Variants in TDP1 observed in about 807,000 individuals in gnomAD.
The protein encoded by TDP1 is tyrosyl-DNA phosphodiesterase 1.
A neutral mutation model predicts 81.5 loss-of-function variants in TDP1; 64 were observed. The ratio of observed to expected loss-of-function variants is 0.79; its 90% CI spans 0.64 to 0.97. The LOEUF (loss-of-function observed/expected upper bound fraction) is 0.97, where lower values mean the gene tolerates loss of function less well. TDP1 is among the 50% of genes least tolerant of loss of function. The pLI is 0.00. For missense variants in TDP1, 723 were observed against 743.8 expected (o/e 0.97, Z 0.33); for synonymous variants, 256 against 264.3 (o/e 0.97, Z 0.30).
intron 3 of TDP1, 73 bp downstream of exon 3, chr14:89,963,746 C>T: frequency 1.3e-6 from 2 of 1,527,460 alleles, no homozygotes; most frequent in South Asian, 1.1e-5. Flanking sequence ...ACAAGGAGGG[C>T]AGCCTAGAAT....
At chr14:90,004,332 G>C (rs991188371) in intron 14 of TDP1, among the ~76,000 whole-genome samples, 1 of 152,158 alleles carries the variant, frequency 6.6e-6, no homozygotes, top group Non-Finnish European at 1.5e-5. Flanking sequence ...AGATGAGGAG[G>C]TGCTACCTGG....
At chr14:90,020,726 C>A (rs1165219859) in intron 15 of TDP1, among the ~76,000 whole-genome samples, 1 of 142,374 alleles carries the variant, frequency 7.0e-6, no homozygotes, top group Non-Finnish European at 1.5e-5. Context: ...GTGGACAACA[C>A]CAACTGGACC....
In TDP1 at chr14:89,994,305, C is replaced by T. The variant is rs138406683; in HGVS notation, c.1541+822C>T. On this transcript the variant is annotated intron_variant, in intron 14 of 16. Transcript: ENST00000335725. ...AGAAAGATTTATTTTAAGGAATTGGCTCATGCAATTGTAGGGGCTGGCAAG... is the reference window on the plus strand; with the variant it reads ...AGAAAGATTTATTTTAAGGAATTGGTTCATGCAATTGTAGGGGCTGGCAAG... 6.4e-3 allele frequency among the ~76,000 whole-genome samples: 968 copies of T among 152,276 alleles called. 36 individuals are homozygous for T. Among genetic ancestry groups the T allele is most frequent in the Admixed American group, 0.057 (871 of 15,290 alleles).
intron 2 of TDP1, among the ~76,000 whole-genome samples, chr14:89,960,409 A>T (rs896260861): frequency 1.3e-5 from 2 of 152,236 alleles, no homozygotes; most frequent in East Asian, 3.8e-4. Context: ...TTTAACCATG[A>T]CAATACAGTT....
intron 15 of TDP1, among the ~76,000 whole-genome samples, chr14:90,029,037 A>G (rs915823118): frequency 6.6e-6 from 1 of 152,124 alleles, no homozygotes; most frequent in Non-Finnish European, 1.5e-5. Context: ...CAGGGTTTCT[A>G]GAATTTGGCT....
chr14:90,033,237 C>A, intron 16 of TDP1, 23 bp downstream of exon 16: 1 of 1,354,866 alleles, frequency 7.4e-7, no homozygotes, highest in Non-Finnish European at 1.1e-6. Context: ...TAAAGGAAAA[C>A]CACGGGTGGA....
At chr14:89,976,554 T>TTTTTTTTTTTG (rs1566862561) in intron 7 of TDP1, among the ~76,000 whole-genome samples, 2 of 141,746 alleles carry the variant, frequency 1.4e-5, no homozygotes, top group African/African-American at 5.4e-5. Flanking sequence ...TTTTTTTTTT[T>TTTTTTTTTTTG]TAGACAGAGT....
chr14:89,961,717 C>T (rs1892346650), intron 2 of TDP1, among the ~76,000 whole-genome samples: 1 of 152,074 alleles, frequency 6.6e-6, no homozygotes, highest in African/African-American at 2.4e-5. Context: ...TTTTAGTTCT[C>T]ATCTAGAGAC....
intron 14 of TDP1, among the ~76,000 whole-genome samples, chr14:90,016,060 A>C (rs1326052043): frequency 3.6e-5 from 5 of 138,212 alleles, no homozygotes; most frequent in African/African-American, 5.7e-5. Context: ...TTTTTTTTTG[A>C]GATGGAGTTG....
intron 15 of TDP1, among the ~76,000 whole-genome samples, chr14:90,032,489 A>T (rs1887394763): frequency 6.6e-6 from 1 of 152,124 alleles, no homozygotes; most frequent in Non-Finnish European, 1.5e-5. Flanking sequence ...GCACTGCGGC[A>T]GGCCTTGTGT....
intron 14 of TDP1, among the ~76,000 whole-genome samples, chr14:90,014,066 A>G (rs1025055707): frequency 1.7e-4 from 26 of 152,342 alleles, no homozygotes; most frequent in Non-Finnish European, 2.9e-5. Flanking sequence ...AGAGAAGTCA[A>G]ATATAAATTA....
At chr14:89,965,673 T>C (rs1892859581) in intron 3 of TDP1, 3 of 560,810 alleles carry the variant, frequency 5.3e-6, no homozygotes, top group Non-Finnish European at 6.8e-6. Flanking sequence ...TGTGAGTGCC[T>C]CTGTCCTTTC....
intron 4 of TDP1, chr14:89,967,093 C>T (rs1206160896): frequency 4.1e-6 from 4 of 985,124 alleles, no homozygotes; most frequent in South Asian, 9.4e-5. Context: ...TAACACCCTG[C>T]GGACAAGTAC....
chr14:89,959,258 G>A (rs2139904565), intron 2 of TDP1, among the ~76,000 whole-genome samples: 2 of 152,334 alleles, frequency 1.3e-5, no homozygotes, highest in South Asian at 4.1e-4. Flanking sequence ...TGCCCAGGCA[G>A]GGAAGACAGA....
Position 89,994,519 on chromosome 14 carries a change from C to T in TDP1, c.1541+1036C>T, listed in dbSNP as rs146124730. On this transcript the variant is annotated intron_variant, in intron 14 of 16. Coordinates refer to ENST00000335725, the MANE Select transcript of TDP1 (RefSeq NM_018319.4). ...CGTATTATTGATTCTGTTTCAAGGG[C>T]ATTAAGGGAAGTGGAGATTAAAGTA... Among the ~76,000 whole-genome samples, 19 of 152,248 alleles carry T rather than the reference C, an allele frequency of 1.2e-4. No individual in the cohort carries two copies. The East Asian group carries it at 2.1e-3, about 17-fold the overall frequency.
At chr14:89,959,036 C>T (rs964479580) in intron 2 of TDP1, among the ~76,000 whole-genome samples, 1 of 152,218 alleles carries the variant, frequency 6.6e-6, no homozygotes, top group African/African-American at 2.4e-5. Context: ...TACAACACTA[C>T]AACTTTCTTC....
chr14:89,988,700 T>C (rs772952413), intron 10 of TDP1: 3 of 980,978 alleles, frequency 3.1e-6, no homozygotes, highest in Admixed American at 6.1e-5. Context: ...TCTGTCCATC[T>C]ACTCCATTAA....
At chr14:90,037,047 A>G (rs578080674) in intron 16 of TDP1, among the ~76,000 whole-genome samples, 84 of 152,314 alleles carry the variant, frequency 5.5e-4, no homozygotes, top group African/African-American at 1.9e-3. Flanking sequence ...CCTGGGCTCA[A>G]GTAGTCATCC....
At chr14:89,965,579 A>G (rs948603492) in intron 3 of TDP1, among the ~76,000 whole-genome samples, 25 of 152,196 alleles carry the variant, frequency 1.6e-4, no homozygotes, top group Non-Finnish European at 3.2e-4. Flanking sequence ...TGAGCTTTCA[A>G]CTTACCTAAC....
Sources: gnomAD v4.1 joint callset for allele counts (sites outside exome capture counted in the v4.1 genomes callset) on GRCh38, gnomAD v4.1.1 for gene constraint, MANE v1.5 for transcripts, NCBI Gene and HGNC (gene_info 2026-07-23, HGNC 2026-07-21) for gene names.